IGF2BP3: variants seen among roughly 807,000 people sequenced by gnomAD.
IGF2BP3 encodes the protein insulin like growth factor 2 mRNA binding protein 3.
A neutral mutation model predicts 73.8 loss-of-function variants in IGF2BP3; 9 were observed. The observed-to-expected ratio is 0.12, with a 90% CI of 0.07 to 0.21. The LOEUF (loss-of-function observed/expected upper bound fraction) is 0.21, where lower values mean the gene tolerates loss of function less well. Ranked by LOEUF, IGF2BP3 falls within the 10% of genes least tolerant of loss-of-function variation. IGF2BP3 has a pLI of 1.00. For missense variants in IGF2BP3, 542 were observed against 714.0 expected (o/e 0.76, Z 2.75); for synonymous variants, 258 against 256.7 (o/e 1.01, Z -0.05).
In IGF2BP3 at chr7:23,427,769, A is replaced by T. The variant is rs113691986; in HGVS notation, c.237-8945T>A. Among the ~76,000 whole-genome samples, 685 of 152,218 alleles carry T rather than the reference A, an allele frequency of 4.5e-3. 3 individuals are homozygous for T. The highest frequency in any genetic ancestry group is 0.016 in the African/African-American group (648 of 41,550). On this transcript the variant is annotated intron_variant, in intron 2 of 14. Transcript: ENST00000258729. ...ACGCCTGTAATCCCAGCACTTCAGG[A>T]GGCTGAGGAGGGTGGCTCACGAGGT... is the stretch of plus-strand genomic sequence containing the variant.
chr7:23,402,347 C>T (rs1201813707), intron 3 of IGF2BP3: 1 of 152,152 alleles, frequency 6.6e-6, no homozygotes, highest in Non-Finnish European at 1.5e-5. Flanking sequence ...AAGAAATAAA[C>T]AGCTTGAGTT....
At chr7:23,395,431 T>C (rs528049024) in intron 3 of IGF2BP3, among the ~76,000 whole-genome samples, 1 of 152,000 alleles carries the variant, frequency 6.6e-6, no homozygotes, top group Non-Finnish European at 1.5e-5. Flanking sequence ...AACGAAAACA[T>C]TTGTAAGAAC....
chr7:23,328,348 A>G (rs1162191222), intron 10 of IGF2BP3, among the ~76,000 whole-genome samples: 2 of 152,188 alleles, frequency 1.3e-5, no homozygotes, highest in Non-Finnish European at 2.9e-5. Context: ...AGCTGGGATT[A>G]CAGGCGTGTG....
intron 3 of IGF2BP3, among the ~76,000 whole-genome samples, chr7:23,387,921 T>C (rs1786138518): frequency 6.6e-6 from 1 of 152,086 alleles, no homozygotes; most frequent in East Asian, 1.9e-4. Flanking sequence ...ACAACTACTA[T>C]GGAAAAGTTT....
intron 3 of IGF2BP3, among the ~76,000 whole-genome samples, chr7:23,412,871 T>G (rs1349508677): frequency 4.1e-5 from 5 of 123,286 alleles, no homozygotes; most frequent in Non-Finnish European, 8.0e-5. Flanking sequence ...TTTTTTTTTT[T>G]TTTTTTGAGA....
At chr7:23,371,194 A>G (rs1785532074) in intron 3 of IGF2BP3, among the ~76,000 whole-genome samples, 1 of 151,928 alleles carries the variant, frequency 6.6e-6, no homozygotes, top group African/African-American at 2.4e-5. Context: ...CAAGCACCAA[A>G]GCCAATGTCA....
intron 2 of IGF2BP3, among the ~76,000 whole-genome samples, chr7:23,425,633 A>G (rs555425138): frequency 3.9e-5 from 6 of 152,262 alleles, no homozygotes; most frequent in African/African-American, 9.6e-5. Flanking sequence ...CTTGGCCTCA[A>G]TAATGTATAA....
At chr7:23,464,358 C>T (rs1253384989) in intron 2 of IGF2BP3, among the ~76,000 whole-genome samples, 1 of 152,182 alleles carries the variant, frequency 6.6e-6, no homozygotes, top group Non-Finnish European at 1.5e-5. Context: ...CCCACTTTTA[C>T]TGTGGTAAAT....
chr7:23,458,797 T>C (rs112069071), intron 2 of IGF2BP3, among the ~76,000 whole-genome samples: 3 of 152,348 alleles, frequency 2.0e-5, no homozygotes, highest in Middle Eastern at 3.4e-3. Flanking sequence ...ATAAAGAAGA[T>C]AAATCAACCC....
chr7:23,388,434 A>G (rs978708454), intron 3 of IGF2BP3, among the ~76,000 whole-genome samples: 16 of 152,004 alleles, frequency 1.1e-4, no homozygotes, highest in Non-Finnish European at 1.8e-4. Context: ...CGCATATGGA[A>G]GTGCACAAAA....
intron 3 of IGF2BP3, chr7:23,362,674 A>C (rs140618519): frequency 6.6e-6 from 1 of 152,220 alleles, no homozygotes; most frequent in Non-Finnish European, 1.5e-5. Context: ...AGCTTCTAAG[A>C]GCTATAGCAA....
At chr7:23,455,694 A>ACCT (rs55881657) in intron 2 of IGF2BP3, among the ~76,000 whole-genome samples, 1 of 151,602 alleles carries the variant, frequency 6.6e-6, no homozygotes, top group Non-Finnish European at 1.5e-5. Context: ...GGGTCTTACT[A>ACCT]TTTTTTTTGG....
chr7:23,457,997 C>A (rs1434882921), intron 2 of IGF2BP3, among the ~76,000 whole-genome samples: 1 of 152,200 alleles, frequency 6.6e-6, no homozygotes, highest in Admixed American at 6.6e-5. Context: ...CAAAGATCTT[C>A]CATGTTTCTG....
chr7:23,446,071 T>C (rs1208348317), intron 2 of IGF2BP3, among the ~76,000 whole-genome samples: 1 of 152,216 alleles, frequency 6.6e-6, no homozygotes, highest in Non-Finnish European at 1.5e-5. Flanking sequence ...GTCATAATCA[T>C]CTTTCCCTCT....
At chr7:23,321,189 C>T (rs1342649938) in intron 10 of IGF2BP3, among the ~76,000 whole-genome samples, 2 of 152,122 alleles carry the variant, frequency 1.3e-5, no homozygotes, top group African/African-American at 2.4e-5. Flanking sequence ...GAGTGCCAGA[C>T]AGTGGGCGCA....
At chr7:23,400,611 G>GA (rs1786628290) in intron 3 of IGF2BP3, among the ~76,000 whole-genome samples, 2 of 152,280 alleles carry the variant, frequency 1.3e-5, no homozygotes, top group South Asian at 4.1e-4. Context: ...TGAAAATTAA[G>GA]AAATACTTAG....
At chr7:23,416,098 A>C (rs1584018014) in intron 3 of IGF2BP3, 1 of 152,236 alleles carries the variant, frequency 6.6e-6, no homozygotes, top group East Asian at 1.9e-4. Context: ...GTTAGAAAAG[A>C]GGAAAATGAG....
intron 2 of IGF2BP3, among the ~76,000 whole-genome samples, chr7:23,442,104 G>A (rs1301303179): frequency 6.6e-6 from 1 of 152,200 alleles, no homozygotes; most frequent in Non-Finnish European, 1.5e-5. Flanking sequence ...TCCAGCCTGG[G>A]CAACAAGAGT....
chr7:23,374,283 A>T (rs1489851804), intron 3 of IGF2BP3, among the ~76,000 whole-genome samples: 1 of 152,182 alleles, frequency 6.6e-6, no homozygotes, highest in East Asian at 1.9e-4. Flanking sequence ...ATAAACAGTC[A>T]TCCCTCGGTA....
Sources: gnomAD v4.1 joint callset for allele counts (sites outside exome capture counted in the v4.1 genomes callset) on GRCh38, gnomAD v4.1.1 for gene constraint, MANE v1.5 for transcripts, NCBI Gene and HGNC (gene_info 2026-07-23, HGNC 2026-07-21) for gene names.